DOK5: variants seen among roughly 807,000 people sequenced by gnomAD.
DOK5 encodes docking protein 5.
DOK5 carries 27 observed loss-of-function variants against 43.3 expected under a neutral mutation model. That is an observed-to-expected ratio of 0.62 (90% CI 0.46 to 0.86). The LOEUF (loss-of-function observed/expected upper bound fraction) is 0.86, where lower values mean the gene tolerates loss of function less well. Ranked by LOEUF, DOK5 falls within the 40% of genes least tolerant of loss-of-function variation. The probability of loss-of-function intolerance (pLI) is 0.00; values close to 1 mark genes in which losing one functional copy is unlikely to be tolerated. For synonymous variants in DOK5, 146 were observed against 140.1 expected (o/e 1.04, Z -0.30); for missense variants, 373 against 392.9 (o/e 0.95, Z 0.43).
intron 7 of DOK5, among the ~76,000 whole-genome samples, chr20:54,644,545 A>C (rs1979282041): frequency 8.9e-6 from 1 of 112,306 alleles, no homozygotes; most frequent in African/African-American, 2.7e-5. Context: ...TCTACTAAAA[A>C]ACACAAAAAA....
intron 1 of DOK5, among the ~76,000 whole-genome samples, chr20:54,480,496 C>G (rs944831028): frequency 6.6e-6 from 1 of 152,204 alleles, no homozygotes; most frequent in African/African-American, 2.4e-5. Context: ...TAATCCATCC[C>G]TTGTTTAGCA....
Position 54,537,150 on chromosome 20 carries a change from C to T in DOK5, c.67-17783C>T, listed in dbSNP as rs544179956. On this transcript the variant is annotated intron_variant, in intron 1 of 7. Coordinates refer to ENST00000262593, the MANE Select transcript of DOK5 (RefSeq NM_018431.5). The stretch of plus-strand genomic sequence containing the variant: ...AAGTATCATTATCAATAATGAGGGG[C>T]CCCGTCAAGTATCAAGTATGATTTT... 2.0e-5 allele frequency among the ~76,000 whole-genome samples: 3 copies of T among 152,282 alleles called. No individual in the cohort carries two copies. The East Asian group carries it at 5.8e-4, about 29-fold the overall frequency.
intron 1 of DOK5, among the ~76,000 whole-genome samples, chr20:54,540,321 A>C (rs1028332675): frequency 1.3e-5 from 2 of 152,096 alleles, no homozygotes. Context: ...TGCTTTCTGT[A>C]CTGCTCTTTC....
Position 54,645,925 on chromosome 20 carries a change from C to CAAAAAAAAA in DOK5, c.856+2370_856+2378dup, listed in dbSNP as rs550943378. ...AGAGCATGGCACATAGCAGATGCTG[C>CAAAAAAAAA]AAAAAAAAAAAAAAAAAAAAAAAAA... On this transcript the variant is annotated intron_variant, in intron 7 of 7. Transcript: ENST00000262593. Among the ~76,000 whole-genome samples the CAAAAAAAAA allele has an allele frequency of 6.1e-3, 522 of 85,860 alleles. 35 individuals carry two copies. Among genetic ancestry groups the CAAAAAAAAA allele is most frequent in the African/African-American group, 0.017 (385 of 23,142 alleles). 56.3% of individuals were successfully genotyped at this position (85,860 alleles called of 152,430 possible). A position where few individuals can be genotyped will look rare whatever the true frequency, so the allele number is the denominator to read the frequency against.
intron 2 of DOK5, among the ~76,000 whole-genome samples, chr20:54,560,949 T>A (rs1427566292): frequency 6.6e-6 from 1 of 152,162 alleles, no homozygotes; most frequent in Non-Finnish European, 1.5e-5. Context: ...TGGGCTTCTG[T>A]GGCTCATTGT....
intron 1 of DOK5, among the ~76,000 whole-genome samples, chr20:54,488,848 G>T (rs570792598): frequency 6.8e-6 from 1 of 147,108 alleles, no homozygotes; most frequent in Admixed American, 6.9e-5. Context: ...CATGAAGTAG[G>T]TGTTATTTTA....
chr20:54,560,764 G>A (rs933862395), intron 2 of DOK5, among the ~76,000 whole-genome samples: 1 of 152,114 alleles, frequency 6.6e-6, no homozygotes, highest in Non-Finnish European at 1.5e-5. Context: ...GGGATCACAG[G>A]CATCCACCAC....
chr20:54,531,193 G>A (rs1214290021), intron 1 of DOK5, among the ~76,000 whole-genome samples: 1 of 152,170 alleles, frequency 6.6e-6, no homozygotes, highest in Non-Finnish European at 1.5e-5. Flanking sequence ...TATTCTGAAC[G>A]TTTGTTAGTG....
chr20:54,506,841 G>A (rs568011977), intron 1 of DOK5, among the ~76,000 whole-genome samples: 2 of 152,332 alleles, frequency 1.3e-5, no homozygotes, highest in African/African-American at 4.8e-5. Flanking sequence ...TTCATGGGGA[G>A]ATAGAGAAAC....
intron 2 of DOK5, among the ~76,000 whole-genome samples, chr20:54,562,997 G>A (rs1361205152): frequency 6.6e-6 from 1 of 152,128 alleles, no homozygotes; most frequent in Non-Finnish European, 1.5e-5. Flanking sequence ...CCCATAGCTG[G>A]TACCCTTATA....
intron 1 of DOK5, among the ~76,000 whole-genome samples, chr20:54,530,769 A>AT (rs749558359): frequency 7.4e-4 from 112 of 152,072 alleles, no homozygotes; most frequent in Non-Finnish European, 1.2e-3. Flanking sequence ...TTTTGAGTTG[A>AT]TTTTTTAAGA....
chr20:54,478,568 C>A (rs1453970531), intron 1 of DOK5, among the ~76,000 whole-genome samples: 1 of 152,138 alleles, frequency 6.6e-6, no homozygotes, highest in Admixed American at 6.6e-5. Flanking sequence ...GGAATCCAGA[C>A]CATGTTTGGG....
At chr20:54,615,143 G>T (rs1478302166) in intron 6 of DOK5, among the ~76,000 whole-genome samples, 1 of 152,178 alleles carries the variant, frequency 6.6e-6, no homozygotes, top group Non-Finnish European at 1.5e-5. Flanking sequence ...CAGACAGAAT[G>T]TTGCACTGTG....
At chr20:54,614,665 A>G (rs763062906) in intron 6 of DOK5, among the ~76,000 whole-genome samples, 1 of 152,240 alleles carries the variant, frequency 6.6e-6, no homozygotes, top group Non-Finnish European at 1.5e-5. Context: ...CTAGAAAATA[A>G]TGTCACTTGC....
chr20:54,591,592 AC>A, intron 4 of DOK5, 23 bp from the exon 5 acceptor site: 1 of 1,531,938 alleles, frequency 6.5e-7, no homozygotes, highest in African/African-American at 1.4e-5. Context: ...GGGATTTTAG[AC>A]TAACCTTTTG....
chr20:54,625,313 G>T (rs376270178), intron 6 of DOK5, among the ~76,000 whole-genome samples: 1 of 152,146 alleles, frequency 6.6e-6, no homozygotes, highest in African/African-American at 2.4e-5. Flanking sequence ...GGACAGTGGG[G>T]GTCCAAGGGC....
At chr20:54,579,537 C>T (rs1985567520) in intron 2 of DOK5, among the ~76,000 whole-genome samples, 1 of 152,046 alleles carries the variant, frequency 6.6e-6, no homozygotes, top group Non-Finnish European at 1.5e-5. Context: ...ATTCTATATT[C>T]GTTAAACAGC....
At chr20:54,638,600 C>G (rs1978951598) in intron 6 of DOK5, among the ~76,000 whole-genome samples, 1 of 152,082 alleles carries the variant, frequency 6.6e-6, no homozygotes. Flanking sequence ...TTAAGTTTTT[C>G]TGACATAGGA....
chr20:54,554,116 T>C (rs1984630887), intron 1 of DOK5, among the ~76,000 whole-genome samples: 1 of 152,132 alleles, frequency 6.6e-6, no homozygotes, highest in South Asian at 2.1e-4. Context: ...TCAAGCTAGC[T>C]TAATTAAAAG....
Sources: allele counts gnomAD v4.1 joint callset (sites outside exome capture counted in the v4.1 genomes callset), GRCh38; gene constraint gnomAD v4.1.1; transcripts MANE v1.5; gene names NCBI Gene and HGNC (gene_info 2026-07-23, HGNC 2026-07-21).